ARHGAP26: variants seen among roughly 807,000 people sequenced by gnomAD.
ARHGAP26 encodes Rho GTPase activating protein 26, also known as rho GTPase-activating protein 26.
ARHGAP26 carries 38 observed loss-of-function variants against 104.8 expected under a neutral mutation model. The ratio of observed to expected loss-of-function variants is 0.36; its 90% CI spans 0.28 to 0.48. The LOEUF is 0.48. ARHGAP26 is among the 20% of genes least tolerant of loss of function. The pLI is 0.99. For synonymous variants in ARHGAP26, 341 were observed against 340.0 expected, an observed-to-expected ratio of 1.00 and a Z score of -0.03; for missense variants, 704 against 947.9, an observed-to-expected ratio of 0.74 and a Z score of 3.38.
At chr5:142,856,788 T>A (rs1220545947) in intron 1 of ARHGAP26, among the ~76,000 whole-genome samples, 3 of 152,250 alleles carry the variant, frequency 2.0e-5, no homozygotes, top group African/African-American at 7.2e-5. Flanking sequence ...GTTTGTAGGT[T>A]ATATGCAAAT....
intron 11 of ARHGAP26, among the ~76,000 whole-genome samples, chr5:142,976,426 GC>G (rs1318593226): frequency 6.6e-6 from 1 of 152,098 alleles, no homozygotes; most frequent in Non-Finnish European, 1.5e-5. Flanking sequence ...TCCCTATTTG[GC>G]CCTTTTGCTA....
At chr5:143,155,950 A>G (rs1415885168) in intron 20 of ARHGAP26, among the ~76,000 whole-genome samples, 2 of 152,212 alleles carry the variant, frequency 1.3e-5, no homozygotes, top group Non-Finnish European at 2.9e-5. Context: ...CAAATGCCTT[A>G]TGACACTGTA....
At chr5:142,926,564 T>C (rs527283959) in intron 10 of ARHGAP26, among the ~76,000 whole-genome samples, 1 of 152,280 alleles carries the variant, frequency 6.6e-6, no homozygotes, top group Admixed American at 6.5e-5. Flanking sequence ...AGTTATCAGA[T>C]GTTAATTTTA....
intron 11 of ARHGAP26, among the ~76,000 whole-genome samples, chr5:142,953,858 G>A (rs1345251810): frequency 6.6e-6 from 1 of 152,180 alleles, no homozygotes; most frequent in Non-Finnish European, 1.5e-5. Context: ...AGCTGTCTCA[G>A]TTTGGCACTA....
intron 6 of ARHGAP26, among the ~76,000 whole-genome samples, chr5:142,896,828 T>A (rs977122096): frequency 6.6e-6 from 1 of 152,186 alleles, no homozygotes; most frequent in Non-Finnish European, 1.5e-5. Flanking sequence ...ATCTGCAGAA[T>A]GGGGATAGTA....
At position 142,863,106 on chromosome 5, in the gene ARHGAP26, GT is replaced by G. The variant is rs747130987; in HGVS notation, c.155-10278del. 5.5e-3 allele frequency among the ~76,000 whole-genome samples: 782 copies of G among 141,928 alleles called. 1 individual carries two copies. Among genetic ancestry groups the G allele is most frequent in the Admixed American group, 8.9e-3 (126 of 14,192 alleles). 93.1% of individuals were successfully genotyped at this position (141,928 alleles called of 152,430 possible). On this transcript the variant is annotated intron_variant, in intron 1 of 22. Coordinates refer to ENST00000645722, the MANE Select transcript of ARHGAP26 (RefSeq NM_001135608.3). ...GTTGGCTCCTTGGTTTTCAAGTGAG[GT>G]TTTTTTTTTTTTTTTCTTTTTGAGA...
In ARHGAP26 at chr5:143,207,200, C is replaced by T; in HGVS notation, c.1991C>T (p.Pro664Leu). Residue 664 changes from proline to leucine, a missense_variant and splice_region_variant, in exon 21 of 23, where the codon CCC (proline) becomes CTC (leucine). Pro to Leu is a moderately conservative substitution (Grantham distance 98). Coordinates refer to ENST00000645722, the MANE Select transcript of ARHGAP26 (RefSeq NM_001135608.3). ...VVKPTRPNSL[P>L]PNPSPTSPLS... is the part of the protein sequence containing the mutation. ...TTTCTGGTTGTTATGTCTTGCAGCC[C>T]CCCGAATCCAAGCCCAACTTCACCC... is the stretch of plus-strand genomic sequence containing the variant. 1 of 1,613,340 alleles carries T rather than the reference C, an allele frequency of 6.2e-7. No homozygotes were observed. Among genetic ancestry groups the T allele is most frequent in the Non-Finnish European group, 8.5e-7 (1 of 1,179,510 alleles).
At position 142,990,480 on chromosome 5, in the gene ARHGAP26, G is replaced by A. The variant is rs191779995; in HGVS notation, c.1108-23600G>A. Among the ~76,000 whole-genome samples, 97 of 152,270 alleles carry A rather than the reference G, an allele frequency of 6.4e-4. 1 individual carries two copies. Among genetic ancestry groups the A allele is most frequent in the South Asian group, 1.7e-3 (8 of 4,826 alleles). ...TCTCAACTTGTCAAAGTCATTCTCC[G>A]TCTAGCTTTGTTCCACTGCTGGTGA... is the stretch of plus-strand genomic sequence containing the variant. On this transcript the variant is annotated intron_variant, in intron 11 of 22. Transcript: ENST00000645722.
intron 11 of ARHGAP26, among the ~76,000 whole-genome samples, chr5:142,960,773 G>A (rs1025887231): frequency 6.6e-6 from 1 of 152,236 alleles, no homozygotes; most frequent in African/African-American, 2.4e-5. Context: ...GACCTCTGGT[G>A]TGATCAGAAA....
At chr5:143,147,056 C>G (rs527319804) in intron 19 of ARHGAP26, among the ~76,000 whole-genome samples, 175 bp from the exon 20 acceptor site, 1 of 152,280 alleles carries the variant, frequency 6.6e-6, no homozygotes, top group East Asian at 1.9e-4. Context: ...ACCTGTTCCC[C>G]CTTGACTCTT....
intron 11 of ARHGAP26, chr5:142,946,787 T>C (rs1259447733): frequency 6.6e-6 from 1 of 152,210 alleles, no homozygotes; most frequent in Non-Finnish European, 1.5e-5. Context: ...AGAGAGCTTA[T>C]GATGCCAGTT....
chr5:143,087,415 A>G (rs950094525), intron 17 of ARHGAP26, among the ~76,000 whole-genome samples: 1 of 152,158 alleles, frequency 6.6e-6, no homozygotes, highest in Non-Finnish European at 1.5e-5. Context: ...TGCCTAATAG[A>G]GTTCAGGAGA....
chr5:143,084,447 G>A (rs1328992153), intron 17 of ARHGAP26, among the ~76,000 whole-genome samples: 1 of 152,162 alleles, frequency 6.6e-6, no homozygotes, highest in Non-Finnish European at 1.5e-5. Context: ...CGGAATGCAT[G>A]GGGTGCTTAT....
In ARHGAP26 at chr5:142,845,796, C is replaced by T. The variant is rs139362496; in HGVS notation, c.155-27604C>T. 6.4e-3 allele frequency among the ~76,000 whole-genome samples: 971 copies of T among 152,294 alleles called. 10 individuals carry two copies. The highest frequency in any genetic ancestry group is 0.022 in the African/African-American group (918 of 41,558). Reference sequence around the variant, plus strand: ...GGGACATGACTGACCCCTCACATCTCTCTTCTTGATAGACTAAGCTCTGAG... The same window carrying T: ...GGGACATGACTGACCCCTCACATCTTTCTTCTTGATAGACTAAGCTCTGAG... On this transcript the variant is annotated intron_variant, in intron 1 of 22. Transcript: ENST00000645722.
chr5:143,193,623 C>T (rs1198050106), intron 20 of ARHGAP26, among the ~76,000 whole-genome samples: 1 of 152,006 alleles, frequency 6.6e-6, no homozygotes, highest in Non-Finnish European at 1.5e-5. Flanking sequence ...GTAATGCTGG[C>T]AATTTGCATA....
chr5:143,200,876 C>T (rs1242772607), intron 20 of ARHGAP26, among the ~76,000 whole-genome samples: 1 of 152,212 alleles, frequency 6.6e-6, no homozygotes, highest in African/African-American at 2.4e-5. Flanking sequence ...TGGGAGCCTG[C>T]CTGGGCAGCC....
chr5:142,946,221 G>A (rs563066143), intron 11 of ARHGAP26, among the ~76,000 whole-genome samples: 16 of 152,128 alleles, frequency 1.1e-4, no homozygotes, highest in African/African-American at 3.6e-4. Context: ...TTTGAACATT[G>A]TATCTTCTAC....
At position 143,149,705 on chromosome 5, in the gene ARHGAP26, C is replaced by T. The variant is rs1035209735; in HGVS notation, c.1988+2324C>T. On this transcript the variant is annotated intron_variant, in intron 20 of 22. Transcript: ENST00000645722. ...GTGTGGACCCTTTTGTTCCCTCCAT[C>T]GTTGTTGAGTTGGAAGTGTCCAGAG... Among the ~76,000 whole-genome samples the T allele has an allele frequency of 3.9e-5, 6 of 152,224 alleles. No homozygotes were observed. In the East Asian group the frequency reaches 5.8e-4, roughly 15 times the overall value.
intron 11 of ARHGAP26, among the ~76,000 whole-genome samples, chr5:142,942,339 T>C (rs1205443686): frequency 2.6e-5 from 4 of 152,204 alleles, no homozygotes; most frequent in African/African-American, 9.6e-5. Flanking sequence ...AATACATGGT[T>C]ACAAAAGAAA....
Sources: gnomAD v4.1 joint callset for allele counts (sites outside exome capture counted in the v4.1 genomes callset) on GRCh38, gnomAD v4.1.1 for gene constraint, MANE v1.5 for transcripts, NCBI Gene and HGNC (gene_info 2026-07-23, HGNC 2026-07-21) for gene names.